Variants in PTPRF observed in about 807,000 individuals in gnomAD.
The protein encoded by PTPRF is receptor-type tyrosine-protein phosphatase F.
A neutral mutation model predicts 201.8 loss-of-function variants in PTPRF; 59 were observed. The ratio of observed to expected loss-of-function variants is 0.29; its 90% CI spans 0.24 to 0.36. PTPRF has a LOEUF of 0.36. Ranked by LOEUF, PTPRF falls within the 10% of genes least tolerant of loss-of-function variation. The pLI is 1.00. For synonymous variants in PTPRF, 1,088 were observed against 1,089.7 expected, an observed-to-expected ratio of 1.00 and a Z score of 0.03; for missense variants, 2,132 against 2,690.5, an observed-to-expected ratio of 0.79 and a Z score of 4.59.
chr1:43,589,059 TG>T (rs1649920449), intron 8 of PTPRF, 59 bp downstream of exon 8: 1 of 1,461,998 alleles, frequency 6.8e-7, no homozygotes, highest in African/African-American at 1.4e-5. Flanking sequence ...GTCCTGGTGG[TG>T]GGCGAATGTG....
intron 25 of PTPRF, 31 bp downstream of exon 25, chr1:43,617,942 G>T: frequency 6.3e-7 from 1 of 1,584,310 alleles, no homozygotes; most frequent in African/African-American, 1.3e-5. Flanking sequence ...CAGGAGGCGG[G>T]TGGGAAATGC....
rs370654753 is a variant in PTPRF at position 43,591,424 on chromosome 1, G to A, written c.1402G>A (p.Asp468Asn). The change falls in exon 9 of 34, where the codon GAC becomes AAC. Residue 468 changes from aspartate (D) to asparagine (N), a missense_variant. Around this residue, in one of 6 missense-constraint regions of PTPRF, gnomAD observed 351 missense variants for 401.7 expected, o/e 0.87. Transcript: ENST00000359947. ...GAACGCCTGGCACAAGCACAACACC[G>A]ACGCGGGGCTCCTCACGACCGTGGG... is the stretch of plus-strand genomic sequence containing the variant. ...PPNAWHKHNT[D>N]AGLLTTVGSL... The A allele has an allele frequency of 2.5e-5, 39 of 1,583,098 alleles. No individual in the cohort carries two copies. Among genetic ancestry groups the A allele is most frequent in the Non-Finnish European group, 3.3e-5 (39 of 1,166,634 alleles).
intron 1 of PTPRF, among the ~76,000 whole-genome samples, 172 bp downstream of exon 1, chr1:43,531,262 C>G (rs1019392817): frequency 1.4e-5 from 2 of 142,450 alleles, no homozygotes; most frequent in African/African-American, 2.6e-5. Flanking sequence ...CTCGGCGAAG[C>G]CCCCCCTCCA....
In PTPRF at chr1:43,534,775, C is replaced by G. The variant is rs781237583; in HGVS notation, c.-125-3423C>G. The stretch of plus-strand genomic sequence containing the variant: ...TGAGAGACCATAGAGCTGTGCACCT[C>G]GAGAGAAAGTAACCTCCGACAGTGG... On this transcript the variant is annotated intron_variant, in intron 1 of 33. Transcript: ENST00000359947. Among the ~76,000 whole-genome samples the G allele has an allele frequency of 5.3e-5, 8 of 152,062 alleles. No homozygotes were observed. The South Asian group carries it at 6.2e-4, about 12-fold the overall frequency.
chr1:43,620,737 C>T, intron 31 of PTPRF, 101 bp from the exon 32 acceptor site: 1 of 1,524,532 alleles, frequency 6.6e-7, no homozygotes, highest in South Asian at 1.3e-5. Flanking sequence ...GGTGCAGTGA[C>T]ACAGATGCAT....
At chr1:43,599,394 G>A (rs1307020892) in intron 13 of PTPRF, among the ~76,000 whole-genome samples, 1 of 152,190 alleles carries the variant, frequency 6.6e-6, no homozygotes, top group Non-Finnish European at 1.5e-5. Flanking sequence ...GTTTTGAGAT[G>A]TGCCTTTCCC....
At chr1:43,618,774 C>G in intron 26 of PTPRF, 25 bp downstream of exon 26, 2 of 1,587,162 alleles carry the variant, frequency 1.3e-6, no homozygotes, top group Non-Finnish European at 1.7e-6. Flanking sequence ...CAGTGCATAT[C>G]TCTTACCCAG....
upstream of PTPRF, among the ~76,000 whole-genome samples, chr1:43,527,540 A>T (rs1643171201): frequency 6.6e-6 from 1 of 152,196 alleles, no homozygotes; most frequent in Admixed American, 6.5e-5. Flanking sequence ...ACACTTTGCC[A>T]CATGTGGGTG....
chr1:43,599,748 G>A (rs1278116705), intron 13 of PTPRF, among the ~76,000 whole-genome samples: 1 of 152,148 alleles, frequency 6.6e-6, no homozygotes, highest in Admixed American at 6.5e-5. Flanking sequence ...GGTTATGAGA[G>A]TGGTATGGAA....
rs1292246821 is a variant in PTPRF at position 43,591,320 on chromosome 1, A to G, written c.1298A>G (p.Gln433Arg). 3.9e-6 allele frequency: 6 copies of G among 1,551,784 alleles called. No homozygotes were observed. The highest frequency in any genetic ancestry group is 5.2e-6 in the Non-Finnish European group (6 of 1,149,228). Residue 433 changes from glutamine (Q) to arginine (R), a missense_variant, in exon 9 of 34, where the codon CAG becomes CGG. By Grantham distance (43) the Gln-to-Arg change is conservative. Around this residue, in one of 6 missense-constraint regions of PTPRF, gnomAD observed 351 missense variants for 401.7 expected, o/e 0.87. Coordinates refer to ENST00000359947, the MANE Select transcript of PTPRF (RefSeq NM_002840.5). ...RMLSASTMLVQWEPPEEPNGL... is the reference protein window; with the variant it reads ...RMLSASTMLVRWEPPEEPNGL... Reference sequence around the variant, plus strand: ...CTGAGCGCCAGCACCATGCTGGTGCAGTGGGAGCCTCCCGAGGAGCCCAAC... The same window carrying G: ...CTGAGCGCCAGCACCATGCTGGTGCGGTGGGAGCCTCCCGAGGAGCCCAAC...
At chr1:43,611,602 C>T (rs1656465253) in intron 22 of PTPRF, among the ~76,000 whole-genome samples, 1 of 152,074 alleles carries the variant, frequency 6.6e-6, no homozygotes, top group Non-Finnish European at 1.5e-5. Flanking sequence ...AGCGGGGGAG[C>T]CAGGTGGTCA....
chr1:43,570,081 C>T (rs767922136), intron 6 of PTPRF, among the ~76,000 whole-genome samples: 8 of 152,228 alleles, frequency 5.3e-5, no homozygotes, highest in Non-Finnish European at 7.3e-5. Flanking sequence ...GTTCACCCTC[C>T]TCCTTCCCTG....
chr1:43,620,680 C>G, intron 31 of PTPRF, 101 bp downstream of exon 31: 1 of 1,549,454 alleles, frequency 6.5e-7, no homozygotes, highest in Non-Finnish European at 8.8e-7. Flanking sequence ...AAATCTGAGG[C>G]GGTGGGTGGG....
intron 3 of PTPRF, among the ~76,000 whole-genome samples, chr1:43,545,760 A>G (rs1644628085): frequency 6.6e-6 from 1 of 152,148 alleles, no homozygotes. Context: ...AATGGGGGGA[A>G]GATTGTGTTT....
rs1365810756 is a variant in PTPRF at position 43,537,879 on chromosome 1, G to A, written c.-125-319G>A. On this transcript the variant is annotated intron_variant, in intron 1 of 33. Coordinates refer to ENST00000359947, the MANE Select transcript of PTPRF (RefSeq NM_002840.5). This position sits in a 1 kb window ranked among gnomAD's most constrained non-coding sequence, Gnocchi z 4.8. ...GGAGGGGCCGACTCTGCTTGGCTCT[G>A]GGGTCATGCTGAGGAGCTGGGCCAC... Among the ~76,000 whole-genome samples, 3 of 152,130 alleles carry A rather than the reference G, an allele frequency of 2.0e-5. No homozygotes were observed. The highest frequency in any genetic ancestry group is 4.4e-5 in the Non-Finnish European group (3 of 68,026).
rs1411327865 is a variant in PTPRF at position 43,623,124 on chromosome 1, C to T, written c.*1121C>T. On this transcript the variant is annotated 3_prime_UTR_variant, in exon 34 of 34. Coordinates refer to ENST00000359947, the MANE Select transcript of PTPRF (RefSeq NM_002840.5). The stretch of plus-strand genomic sequence containing the variant: ...GGTGTGTGCCACACCCCATGCACCT[C>T]AGGGCCAAGCGGGGGCGTGGCTGGC... 1.3e-5 allele frequency: 2 copies of T among 152,776 alleles called. No individual in the cohort carries two copies. Among genetic ancestry groups the T allele is most frequent in the African/African-American group, 4.8e-5 (2 of 41,462 alleles). The allele number at this position is 152,776 out of a possible 1,614,324, so 9.5% of individuals were successfully genotyped here.
chr1:43,575,820 T>C (rs1646888179), intron 6 of PTPRF: 2 of 1,203,868 alleles, frequency 1.7e-6, no homozygotes, highest in Admixed American at 2.3e-5. Context: ...TCTTGTGTTT[T>C]ATTTTACCTG....
intron 3 of PTPRF, among the ~76,000 whole-genome samples, chr1:43,552,995 G>T (rs773387645): frequency 6.6e-6 from 1 of 152,166 alleles, no homozygotes; most frequent in Non-Finnish European, 1.5e-5. Context: ...AGAGAGGGAG[G>T]AGTCTCGGTT....
At position 43,553,672 on chromosome 1, in the gene PTPRF, A is replaced by T. The variant is rs778848806; in HGVS notation, c.237+35A>T. ...TGGTGGGAAGGGGTCGGCAGGGCTCAGGGTCTGCCCACACTCTCTCCTTTC... is the reference window on the plus strand; with the variant it reads ...TGGTGGGAAGGGGTCGGCAGGGCTCTGGGTCTGCCCACACTCTCTCCTTTC... On this transcript the variant is annotated intron_variant, in intron 4 of 33. Transcript: ENST00000359947. This position sits in a 1 kb window ranked among gnomAD's most constrained non-coding sequence, Gnocchi z 4.1. The T allele has an allele frequency of 1.2e-6, 2 of 1,612,782 alleles. No individual in the cohort carries two copies. Among genetic ancestry groups the T allele is most frequent in the African/African-American group, 2.7e-5 (2 of 75,026 alleles).
Sources: allele counts gnomAD v4.1 joint callset (sites outside exome capture counted in the v4.1 genomes callset), GRCh38; gene constraint gnomAD v4.1.1; regional missense constraint gnomAD v4.1.1; non-coding constraint Gnocchi (gnomAD v3.1); transcripts MANE v1.5; gene names NCBI Gene and HGNC (gene_info 2026-07-23, HGNC 2026-07-21).